The following TSPAN18 variants were observed in gnomAD, a reference collection of about 807,000 sequenced individuals.
The protein encoded by TSPAN18 is tetraspanin-18.
A neutral mutation model predicts 27.3 loss-of-function variants in TSPAN18; 14 were observed. The ratio of observed to expected loss-of-function variants is 0.51; its 90% confidence interval spans 0.34 to 0.80. The LOEUF is 0.80. TSPAN18 is among the 30% of genes least tolerant of loss of function. The pLI, the probability that TSPAN18 is intolerant of heterozygous loss-of-function variation, is 0.01. For missense variants in TSPAN18, 268 were observed against 323.9 expected, an observed-to-expected ratio of 0.83 and a Z score of 1.32; for synonymous variants, 143 against 136.5, an observed-to-expected ratio of 1.05 and a Z score of -0.33.
intron 3 of TSPAN18, chr11:44,886,424 A>C (rs1386923070): frequency 6.6e-6 from 1 of 152,234 alleles, no homozygotes; most frequent in African/African-American, 2.4e-5. Context: ...GCACGGCTCC[A>C]ACACGGCTGT....
chr11:44,854,523 C>T (rs1361165452), intron 2 of TSPAN18, among the ~76,000 whole-genome samples: 1 of 152,226 alleles, frequency 6.6e-6, no homozygotes, highest in Non-Finnish European at 1.5e-5. Context: ...CCTGCACCCT[C>T]TTAGACTGTG....
chr11:44,755,034 A>C (rs1855300361), intron 1 of TSPAN18, among the ~76,000 whole-genome samples: 1 of 152,216 alleles, frequency 6.6e-6, no homozygotes, highest in African/African-American at 2.4e-5. Context: ...GCCCCAGACC[A>C]GATGGGAGGC....
chr11:44,878,479 T>C (rs1157456964), intron 3 of TSPAN18, among the ~76,000 whole-genome samples: 3 of 152,120 alleles, frequency 2.0e-5, no homozygotes, highest in Non-Finnish European at 4.4e-5. Flanking sequence ...GGAGTGAAAC[T>C]AACATTTATT....
At chr11:44,902,553 T>C (rs1859300727) in intron 3 of TSPAN18, among the ~76,000 whole-genome samples, 1 of 152,184 alleles carries the variant, frequency 6.6e-6, no homozygotes, top group African/African-American at 2.4e-5. Flanking sequence ...TAACAGCCAG[T>C]ATGCACTGGC....
At chr11:44,861,525 G>A (rs1012335472) in intron 3 of TSPAN18, among the ~76,000 whole-genome samples, 3 of 141,764 alleles carry the variant, frequency 2.1e-5, no homozygotes. Context: ...AGGTGTCGTG[G>A]GTTGGGGAAG....
At chr11:44,797,311 C>T (rs898572747) in intron 2 of TSPAN18, among the ~76,000 whole-genome samples, 12 of 152,108 alleles carry the variant, frequency 7.9e-5, no homozygotes, top group Admixed American at 7.2e-4. Context: ...AGACTCTGGA[C>T]ATTTGAGCCC....
rs1274275463 is a variant in TSPAN18 at position 44,929,946 on chromosome 11, C to G, written c.*768C>G. On this transcript the variant is annotated 3_prime_UTR_variant, in exon 10 of 10. Coordinates refer to ENST00000520358, the MANE Select transcript of TSPAN18 (RefSeq NM_130783.5). ...CACCCCTGGCCTCAGCATCCCGGTT[C>G]CCCCAGACAAGAGAGGGCAAGTCAG... The G allele has an allele frequency of 6.6e-6, 1 of 152,482 alleles. No homozygotes were observed. The highest frequency in any genetic ancestry group is 1.5e-5 in the Non-Finnish European group (1 of 68,138). 9.4% of individuals were successfully genotyped at this position (152,482 alleles called of 1,614,324 possible). A position where few individuals can be genotyped will look rare whatever the true frequency, so the allele number is the denominator to read the frequency against.
chr11:44,828,666 G>T (rs1341387673), intron 2 of TSPAN18, among the ~76,000 whole-genome samples: 4 of 152,136 alleles, frequency 2.6e-5, no homozygotes, highest in African/African-American at 9.7e-5. Context: ...ATGTCCCATG[G>T]GTCCTTTACT....
intron 3 of TSPAN18, among the ~76,000 whole-genome samples, chr11:44,875,480 C>G (rs1032208083): frequency 4.6e-5 from 7 of 152,220 alleles, no homozygotes; most frequent in African/African-American, 1.7e-4. Context: ...TCTTACCTAC[C>G]GACCTTCCCT....
At chr11:44,843,668 G>C (rs533803884) in intron 2 of TSPAN18, among the ~76,000 whole-genome samples, 2 of 152,004 alleles carry the variant, frequency 1.3e-5, no homozygotes, top group Non-Finnish European at 2.9e-5. Flanking sequence ...GGTACACGCC[G>C]GGGGGGCCAG....
chr11:44,784,786 A>G (rs146080381), intron 2 of TSPAN18, among the ~76,000 whole-genome samples: 120 of 152,110 alleles, frequency 7.9e-4, no homozygotes, highest in Non-Finnish European at 1.4e-3. Context: ...CATTCTCTCC[A>G]TTTTCCCAAT....
chr11:44,931,242 C>G lies in TSPAN18; in HGVS notation c.*2064C>G, dbSNP rs1262177065. ...CTGGTACCGCGGCCCAGCCTGGGGC[C>G]TGGGGGCTGCCCCTCTTGAACCACC... On this transcript the variant is annotated 3_prime_UTR_variant, in exon 10 of 10. Coordinates refer to ENST00000520358, the MANE Select transcript of TSPAN18 (RefSeq NM_130783.5). 3.4e-6 allele frequency: 1 copy of G among 296,908 alleles called. No homozygotes were observed. The highest frequency in any genetic ancestry group is 2.2e-5 in the African/African-American group (1 of 45,390). The allele number at this position is 296,908 out of a possible 1,614,324, so 18.4% of individuals were successfully genotyped here.
chr11:44,895,918 A>C (rs980815772), intron 3 of TSPAN18, among the ~76,000 whole-genome samples: 1 of 152,152 alleles, frequency 6.6e-6, no homozygotes, highest in Non-Finnish European at 1.5e-5. Flanking sequence ...CAGGCCCTGA[A>C]CTACAAAGCT....
At chr11:44,772,720 G>A (rs976368532) in intron 2 of TSPAN18, among the ~76,000 whole-genome samples, 12 of 152,226 alleles carry the variant, frequency 7.9e-5, no homozygotes, top group Admixed American at 4.6e-4. Context: ...GTGCAATGGC[G>A]CCATCTCAGC....
At chr11:44,862,379 A>C (rs1857919373) in intron 3 of TSPAN18, among the ~76,000 whole-genome samples, 1 of 152,224 alleles carries the variant, frequency 6.6e-6, no homozygotes, top group African/African-American at 2.4e-5. Flanking sequence ...GGTTTTGGTC[A>C]ACCACAAACC....
intron 2 of TSPAN18, among the ~76,000 whole-genome samples, chr11:44,845,741 C>T (rs1036174659): frequency 2.0e-5 from 3 of 152,244 alleles, no homozygotes; most frequent in Admixed American, 6.5e-5. Flanking sequence ...TGCCTGATCC[C>T]AGATCCCAGA....
At chr11:44,736,968 G>A (rs1226666516) in intron 1 of TSPAN18, among the ~76,000 whole-genome samples, 2 of 152,226 alleles carry the variant, frequency 1.3e-5, no homozygotes, top group Non-Finnish European at 2.9e-5. Context: ...CCTCCATAGA[G>A]TGAGGGCGGA....
At chr11:44,851,562 C>T (rs113594731) in intron 2 of TSPAN18, among the ~76,000 whole-genome samples, 1,764 of 151,912 alleles carry the variant, frequency 0.012, 36 homozygotes, top group African/African-American at 0.04. Context: ...GTCCCTGTTG[C>T]CCCTGCCATG....
chr11:44,762,485 G>C (rs1179849271), intron 1 of TSPAN18, among the ~76,000 whole-genome samples: 1 of 152,222 alleles, frequency 6.6e-6, no homozygotes, highest in Non-Finnish European at 1.5e-5. Flanking sequence ...TCTCACTCCA[G>C]AGCGTTTGCA....
Sources: allele counts gnomAD v4.1 joint callset (sites outside exome capture counted in the v4.1 genomes callset), GRCh38; gene constraint gnomAD v4.1.1; transcripts MANE v1.5; gene names NCBI Gene and HGNC (gene_info 2026-07-23, HGNC 2026-07-21).